COL6A2: variants seen among roughly 807,000 people sequenced by gnomAD.
The protein encoded by COL6A2 is collagen type VI alpha 2 chain.
Under a neutral mutation model 124.9 loss-of-function variants are expected in COL6A2, and 90 were observed. That is an observed-to-expected ratio of 0.72 (90% confidence interval 0.61 to 0.86). COL6A2 has a LOEUF of 0.86. Ranked by LOEUF, COL6A2 falls within the 40% of genes least tolerant of loss-of-function variation. The probability of loss-of-function intolerance (pLI) is 0.00; values close to 1 mark genes in which losing one functional copy is unlikely to be tolerated. For missense variants in COL6A2, 1,607 were observed against 1,502.5 expected, an observed-to-expected ratio of 1.07 and a Z score of -1.15; for synonymous variants, 793 against 618.2, an observed-to-expected ratio of 1.28 and a Z score of -4.19.
At chr21:46,117,363 C>T (rs1378103131) in intron 10 of COL6A2, 37 bp from the exon 11 acceptor site, 2 of 1,605,216 alleles carry the variant, frequency 1.2e-6, no homozygotes, top group South Asian at 1.1e-5. Flanking sequence ...ACCCCAGAAC[C>T]CCGCCCTGAG....
At position 46,112,850 on chromosome 21, in the gene COL6A2, G is replaced by T. The variant is rs771480599; in HGVS notation, c.735+26G>T. 5 of 1,613,236 alleles carry T rather than the reference G, an allele frequency of 3.1e-6. No homozygotes were observed. In the African/African-American group the frequency reaches 6.7e-5, roughly 22 times the overall value. On this transcript the variant is annotated intron_variant, in intron 4 of 27. Coordinates refer to ENST00000300527, the MANE Select transcript of COL6A2 (RefSeq NM_001849.4). ...GTGAGTGGCGCTTCCCTTCCTGCCA[G>T]TGCTGGCCGGCAGCTGACCCAGCAG...
In COL6A2 at chr21:46,116,944, C is replaced by A; in HGVS notation, c.999+130C>A. On this transcript the variant is annotated intron_variant, in intron 10 of 27. Coordinates refer to ENST00000300527, the MANE Select transcript of COL6A2 (RefSeq NM_001849.4). The surrounding 1 kb of genome is among the most constrained non-coding windows in gnomAD (Gnocchi z 4.6). The stretch of plus-strand genomic sequence containing the variant: ...ACACGCATACACACACACACACACA[C>A]ACACACACACACGAACTTCAGCTCC... 2 of 819,296 alleles carry A rather than the reference C, an allele frequency of 2.4e-6. No homozygotes were observed. The highest frequency in any genetic ancestry group is 3.8e-6 in the Non-Finnish European group (2 of 522,656). The allele number at this position is 819,296 out of a possible 1,614,324, so 50.8% of individuals were successfully genotyped here. A position where few individuals can be genotyped will look rare whatever the true frequency, so the allele number is the denominator to read the frequency against.
chr21:46,120,430 A>T, intron 15 of COL6A2, 85 bp from the exon 16 acceptor site: 15 of 1,125,100 alleles, frequency 1.3e-5, no homozygotes, highest in Middle Eastern at 2.9e-4. Flanking sequence ...CCCTTCCCCA[A>T]CCCCCGGCCA....
chr21:46,110,452 TTGAAGCTG>T (rs2078383178), intron 1 of COL6A2, among the ~76,000 whole-genome samples: 1 of 152,238 alleles, frequency 6.6e-6, no homozygotes, highest in Non-Finnish European at 1.5e-5. Flanking sequence ...GTGCTTGTCC[TTGAAGCTG>T]TGAAACTCAC....
rs1374249338 is a variant in COL6A2 at position 46,115,857 on chromosome 21, T to C, written c.802-15T>C. 3 of 1,612,632 alleles carry C rather than the reference T, an allele frequency of 1.9e-6. No homozygotes were observed. Among genetic ancestry groups the C allele is most frequent in the Non-Finnish European group, 2.5e-6 (3 of 1,179,898 alleles). On this transcript the variant is annotated splice_polypyrimidine_tract_variant and intron_variant, in intron 5 of 27. Coordinates refer to ENST00000300527, the MANE Select transcript of COL6A2 (RefSeq NM_001849.4). ...ACCCTACCCTGCCTCGATGTACTCT[T>C]TTCTCTGCTTTTAGGGTGCCAAGGG...
chr21:46,126,338 C>A, intron 26 of COL6A2, 101 bp downstream of exon 26: 1 of 1,512,816 alleles, frequency 6.6e-7, no homozygotes, highest in Non-Finnish European at 9.1e-7. Context: ...GATGAATGTG[C>A]AGCCCAGGAT....
rs145937262 is a variant in COL6A2, at chr21:46,114,282, G to A, written c.801+209G>A. 0.025 allele frequency among the ~76,000 whole-genome samples: 3,745 copies of A among 152,020 alleles called. 64 individuals carry two copies. Among genetic ancestry groups the A allele is most frequent in the Non-Finnish European group, 0.039 (2,628 of 67,954 alleles). On this transcript the variant is annotated intron_variant, in intron 5 of 27. Coordinates refer to ENST00000300527, the MANE Select transcript of COL6A2 (RefSeq NM_001849.4). ...TCTACTAAAAATACAAAAATTAGCC[G>A]GGCGTAGTGGCATGCGCCTGTAGTC...
At chr21:46,118,535 G>C in intron 12 of COL6A2, 79 bp from the exon 13 acceptor site, 1 of 1,392,786 alleles carries the variant, frequency 7.2e-7, no homozygotes, top group South Asian at 1.2e-5. Context: ...CCGACCGTGG[G>C]TCCTGCCCCC....
rs1601247657 is a variant in COL6A2, at chr21:46,125,188, A to C, written c.1771-78A>C. 6 of 1,387,954 alleles carry C rather than the reference A, an allele frequency of 4.3e-6. No individual in the cohort carries two copies. The East Asian group carries it at 1.4e-4, about 32-fold the overall frequency. The allele number at this position is 1,387,954 out of a possible 1,614,324, so 86.0% of individuals were successfully genotyped here. A position where few individuals can be genotyped will look rare whatever the true frequency, so the allele number is the denominator to read the frequency against. On this transcript the variant is annotated intron_variant, in intron 23 of 27. Transcript: ENST00000300527. The stretch of plus-strand genomic sequence containing the variant: ...CACACGTGGGCTGGAATGTCCCGGG[A>C]CCCCCAGGCCAGGACCTTGCTGTGG...
At chr21:46,130,151 C>T (rs573157661) in intron 27 of COL6A2, among the ~76,000 whole-genome samples, 6 of 152,228 alleles carry the variant, frequency 3.9e-5, no homozygotes, top group African/African-American at 1.4e-4. Context: ...CATGACGTAT[C>T]TGGGCTGGTG....
intron 12 of COL6A2, 151 bp from the exon 13 acceptor site, chr21:46,118,463 C>T: frequency 1.4e-6 from 1 of 728,052 alleles, no homozygotes; most frequent in South Asian, 1.6e-5. Context: ...GTTCCAGCAG[C>T]CCCCAGCCAG....
Position 46,128,825 on chromosome 21 carries a change from A to G in COL6A2, c.2461+2284A>G, listed in dbSNP as rs2078714773. 3 of 1,212,994 alleles carry G rather than the reference A, an allele frequency of 2.5e-6. No homozygotes were observed. In the African/African-American group the frequency reaches 4.5e-5, roughly 18 times the overall value. The allele number at this position is 1,212,994 out of a possible 1,614,324, so 75.1% of individuals were successfully genotyped here. A position where few individuals can be genotyped will look rare whatever the true frequency, so the allele number is the denominator to read the frequency against. On this transcript the variant is annotated intron_variant, in intron 27 of 27. Transcript: ENST00000300527. ...GCAAGCTTTCTCAGGCGGGCTCTTG[A>G]GGGGTGGCTGGGGTCTTCCTGGCGA...
chr21:46,122,684 C>G (rs2078585519), intron 20 of COL6A2, among the ~76,000 whole-genome samples, 153 bp downstream of exon 20: 1 of 152,120 alleles, frequency 6.6e-6, no homozygotes, highest in South Asian at 2.1e-4. Context: ...CTATGCTGAG[C>G]TCTGGGGGAG....
intron 27 of COL6A2, among the ~76,000 whole-genome samples, chr21:46,126,895 C>G (rs919708598): frequency 2.6e-5 from 4 of 152,146 alleles, no homozygotes; most frequent in African/African-American, 7.2e-5. Flanking sequence ...ATGTGCCACT[C>G]GGAGGAAGCC....
chr21:46,118,644 C>A lies in COL6A2; in HGVS notation c.1147C>A (p.Pro383Thr). The A allele has an allele frequency of 1.9e-6, 3 of 1,612,258 alleles. No individual in the cohort carries two copies. The highest frequency in any genetic ancestry group is 2.5e-6 in the Non-Finnish European group (3 of 1,179,758). ...CCCTGGCCGCCCAGGACGCAGAGGGCCCCCGGGAGAAATCGGGGCCAAGGG... is the reference window on the plus strand; with the variant it reads ...CCCTGGCCGCCCAGGACGCAGAGGGACCCCGGGAGAAATCGGGGCCAAGGG... The part of the protein sequence containing the change: ...GDPGRPGRRG[P>T]PGEIGAKGSK... Residue 383 changes from proline (P) to threonine (T), a missense_variant, in exon 13 of 28, where the codon CCC becomes ACC. Pro to Thr is a conservative substitution (Grantham distance 38, BLOSUM62 -1). Coordinates refer to ENST00000300527, the MANE Select transcript of COL6A2 (RefSeq NM_001849.4).
At chr21:46,126,285 G>T (rs778700884) in intron 26 of COL6A2, 48 bp downstream of exon 26, 1 of 1,586,958 alleles carries the variant, frequency 6.3e-7, no homozygotes, top group South Asian at 1.1e-5. Flanking sequence ...GCAGGCCCCA[G>T]CCGCTGTCTA....
Position 46,124,875 on chromosome 21 carries a change from C to A in COL6A2, c.1735-10C>A, listed in dbSNP as rs751247823. ...GCCCCAGAGTCTCAGCCTCATCCTT[C>A]CTTCCCCAGGGTGAGCCCGGCCCCC... On this transcript the variant is annotated splice_polypyrimidine_tract_variant and intron_variant, in intron 22 of 27. Transcript: ENST00000300527. The A allele has an allele frequency of 2.5e-6, 4 of 1,612,756 alleles. No homozygotes were observed. The highest frequency in any genetic ancestry group is 3.4e-6 in the Non-Finnish European group (4 of 1,179,980).
intron 27 of COL6A2, among the ~76,000 whole-genome samples, 196 bp from the exon 28 acceptor site, chr21:46,131,758 C>G (rs2078762661): frequency 6.6e-6 from 1 of 152,160 alleles, no homozygotes; most frequent in African/African-American, 2.4e-5. Context: ...GATGGCGGCT[C>G]CCAGCAGTGC....
rs373392391 is a variant in COL6A2, at chr21:46,132,538, C to T, written c.3046C>T (p.Arg1016Cys). Residue 1016 changes from arginine to cysteine, a missense_variant, in exon 28 of 28, where the codon CGC becomes TGC. This residue lies in a region of COL6A2 where 1,223 missense variants were observed against 1,052.2 expected (regional missense o/e 1.16). Transcript: ENST00000300527. Reference protein sequence around the residue: ...AQPGFFDRFIRWIC With the variant: ...AQPGFFDRFICWIC ...ACCCGGCTTCTTCGACCGCTTCATC[C>T]GCTGGATCTGCTAGCGCCGCCGCCC... 35 of 1,604,288 alleles carry T rather than the reference C, an allele frequency of 2.2e-5. No individual in the cohort carries two copies. Among genetic ancestry groups the T allele is most frequent in the Middle Eastern group, 1.7e-4 (1 of 6,060 alleles).
Sources: allele counts gnomAD v4.1 joint callset (sites outside exome capture counted in the v4.1 genomes callset), GRCh38; gene constraint gnomAD v4.1.1; regional missense constraint gnomAD v4.1.1; non-coding constraint Gnocchi (gnomAD v3.1); transcripts MANE v1.5; gene names NCBI Gene and HGNC (gene_info 2026-07-23, HGNC 2026-07-21).